LTBP3: variants seen among roughly 807,000 people sequenced by gnomAD.
The protein encoded by LTBP3 is latent transforming growth factor beta binding protein 3.
LTBP3 carries 97 observed loss-of-function variants against 159.7 expected under a neutral mutation model. The observed-to-expected ratio is 0.61, with a 90% CI of 0.52 to 0.72. The LOEUF (loss-of-function observed/expected upper bound fraction) is 0.72. LTBP3 is among the 30% of genes least tolerant of loss of function. The pLI, the probability that LTBP3 is intolerant of heterozygous loss-of-function variation, is 0.00. For missense variants in LTBP3, 1,584 were observed against 1,864.3 expected, an observed-to-expected ratio of 0.85 and a Z score of 2.77; for synonymous variants, 824 against 777.1, an observed-to-expected ratio of 1.06 and a Z score of -1.00.
At position 65,541,157 on chromosome 11, in the gene LTBP3, G is replaced by A. The variant is rs1856119238; in HGVS notation, c.2862C>T (p.Cys954=). ...TGTAGACTGGGCAGGGGTAGATTTC[G>A]CAGTGGTCGCCCCAGCCGGCCCCCA... The part of the protein sequence containing the change: ...CSLGAGWGDH[C]EIYPCPVYSS... Residue 954 remains cysteine, a synonymous_variant, in exon 20 of 28, where the codon TGC becomes TGT. Transcript: ENST00000301873. The A allele has an allele frequency of 1.9e-6, 3 of 1,611,984 alleles. No homozygotes were observed. Among genetic ancestry groups the A allele is most frequent in the African/African-American group, 1.3e-5 (1 of 74,526 alleles).
chr11:65,548,285 T>TTCCATTCCCGGTTCAC (rs1324451926), intron 11 of LTBP3: 1 of 634,218 alleles, frequency 1.6e-6, no homozygotes, highest in East Asian at 2.7e-5. Context: ...GCCCGGATAC[T>TTCCATTCCCGGTTCAC]TCCATTCCCG....
intron 17 of LTBP3, 44 bp from the exon 18 acceptor site, chr11:65,543,268 C>T (rs1343128972): frequency 6.2e-7 from 1 of 1,613,430 alleles, no homozygotes; most frequent in Non-Finnish European, 8.5e-7. Flanking sequence ...GGCTGATCAC[C>T]AACCCCAGCC....
At chr11:65,555,106 C>T (rs890237754) in intron 1 of LTBP3, among the ~76,000 whole-genome samples, 1 of 152,170 alleles carries the variant, frequency 6.6e-6, no homozygotes, top group Non-Finnish European at 1.5e-5. Context: ...TGCCCAGTTA[C>T]AGCCTCTAAT....
At position 65,539,206 on chromosome 11, in the gene LTBP3, G is replaced by C. The variant is rs1414763719; in HGVS notation, c.3786C>G (p.Asn1262Lys). Residue 1262 changes from asparagine (N) to lysine (K), a missense_variant, in exon 28 of 28, where the codon AAC becomes AAG. Around this residue, in one of 6 missense-constraint regions of LTBP3, gnomAD observed 514 missense variants for 530.3 expected, o/e 0.97. Transcript: ENST00000301873. ...CGCTCTTGCACAGCAGCCCGCGCTG[G>C]TTCAGCTCTCGGCACTCGTCGATAT... The part of the protein sequence containing the change: ...CVDIDECREL[N>K]QRGLLCKSER... 9.8e-6 allele frequency: 15 copies of C among 1,526,672 alleles called. No individual in the cohort carries two copies. The highest frequency in any genetic ancestry group is 1.1e-5 in the Non-Finnish European group (12 of 1,133,278). 94.6% of individuals were successfully genotyped at this position (1,526,672 alleles called of 1,614,324 possible).
At chr11:65,551,068 A>G in intron 11 of LTBP3, 58 bp downstream of exon 11, 1 of 1,406,952 alleles carries the variant, frequency 7.1e-7, no homozygotes, top group Non-Finnish European at 9.8e-7. Context: ...GAGGGAGGAG[A>G]GAAAACTAAA....
rs1394777117 is a variant in LTBP3, at chr11:65,541,067, C to T, written c.2893+59G>A. Reference sequence around the variant, plus strand: ...AACTGCCAGGGGGCGCCATTTCCCACATTTGGCTTCCAGATGAAGAAACTG... The same window carrying T: ...AACTGCCAGGGGGCGCCATTTCCCATATTTGGCTTCCAGATGAAGAAACTG... On this transcript the variant is annotated intron_variant, in intron 20 of 27. Transcript: ENST00000301873. 4 of 1,590,648 alleles carry T rather than the reference C, an allele frequency of 2.5e-6. No homozygotes were observed. The Admixed American group carries it at 7.3e-5, about 29-fold the overall frequency.
intron 26 of LTBP3, 26 bp from the exon 27 acceptor site, chr11:65,539,485 T>A (rs771346031): frequency 1.3e-6 from 2 of 1,586,550 alleles, no homozygotes; most frequent in South Asian, 2.3e-5. Flanking sequence ...CAATATGGAC[T>A]TCAACACTGA....
chr11:65,551,118 G>A lies in LTBP3; in HGVS notation c.1720+8C>T, dbSNP rs1565098331. 6.4e-7 allele frequency: 1 copy of A among 1,551,402 alleles called. No homozygotes were observed. Among genetic ancestry groups the A allele is most frequent in the Non-Finnish European group, 8.7e-7 (1 of 1,147,612 alleles). On this transcript the variant is annotated splice_region_variant and intron_variant, in intron 11 of 27. Coordinates refer to ENST00000301873, the MANE Select transcript of LTBP3 (RefSeq NM_001130144.3). ...TAGGCAGGGGTGGCTTTGCTGGGCG[G>A]GCCTTACCTGTGACCTGAGTGGGAG...
Position 65,539,228 on chromosome 11 carries a change from A to AT in LTBP3, c.3763dup (p.Ile1255AsnfsTer95). Reference sequence around the variant, plus strand: ...CTGGTTCAGCTCTCGGCACTCGTCGATATCTGAAGGTGAGGGCGACAGGTG... The same window carrying AT: ...CTGGTTCAGCTCTCGGCACTCGTCGATTATCTGAAGGTGAGGGCGACAGGTG... On this transcript the variant is annotated frameshift_variant, in exon 28 of 28. Coordinates refer to ENST00000301873, the MANE Select transcript of LTBP3 (RefSeq NM_001130144.3). LOFTEE classifies it high-confidence loss of function. The AT allele has an allele frequency of 6.5e-7, 1 of 1,526,812 alleles. No homozygotes were observed. Among genetic ancestry groups the AT allele is most frequent in the Non-Finnish European group, 8.8e-7 (1 of 1,132,980 alleles). The allele number at this position is 1,526,812 out of a possible 1,614,324, so 94.6% of individuals were successfully genotyped here.
Position 65,547,345 on chromosome 11 carries a change from G to C in LTBP3, c.2107+94C>G, listed in dbSNP as rs1856415993. 7.5e-7 allele frequency: 1 copy of C among 1,326,804 alleles called. No individual in the cohort carries two copies. The highest frequency in any genetic ancestry group is 9.9e-7 in the Non-Finnish European group (1 of 1,006,116). The allele number at this position is 1,326,804 out of a possible 1,614,324, so 82.2% of individuals were successfully genotyped here. A position where few individuals can be genotyped will look rare whatever the true frequency, so the allele number is the denominator to read the frequency against. On this transcript the variant is annotated intron_variant, in intron 14 of 27. Transcript: ENST00000301873. This position sits in a 1 kb window ranked among gnomAD's most constrained non-coding sequence, Gnocchi z 4.6. ...GGCGACAGAGTGAGACTCCGTCTCG[G>C]GGGAAAAAAAAAAAAATGCAGGCAC... is the stretch of plus-strand genomic sequence containing the variant.
intron 23 of LTBP3, 30 bp downstream of exon 23, chr11:65,540,215 G>A (rs765523455): frequency 1.6e-4 from 252 of 1,546,592 alleles, no homozygotes; most frequent in Non-Finnish European, 2.1e-4. Flanking sequence ...CGCCCCTCCC[G>A]CGTACCCCAC....
intron 16 of LTBP3, chr11:65,543,806 C>T (rs1856256900): frequency 1.9e-6 from 1 of 526,588 alleles, no homozygotes; most frequent in Non-Finnish European, 3.4e-6. Context: ...CAGCCGCTTT[C>T]ACTGCTGCTC....
In LTBP3 at chr11:65,554,234, TGCTCAGGCCGGGGCCTGAGCC is replaced by T; in HGVS notation, c.457_477del (p.Gly153_Ser159del). 1 of 1,608,332 alleles carries T rather than the reference TGCTCAGGCCGGGGCCTGAGCC, an allele frequency of 6.2e-7. No homozygotes were observed. Among genetic ancestry groups the T allele is most frequent in the Non-Finnish European group, 8.5e-7 (1 of 1,178,642 alleles). On this transcript the variant is annotated inframe_deletion, in exon 2 of 28. Transcript: ENST00000301873. This position sits in a 1 kb window ranked among gnomAD's most constrained non-coding sequence, Gnocchi z 5.3. The stretch of plus-strand genomic sequence containing the variant: ...GCCCCTGTGGACAGGGCCCCTGTCC[TGCTCAGGCCGGGGCCTGAGCC>T]GCCGGTACCCCCACCGGCTCCTCCT...
chr11:65,545,833 AC>A (rs1228293122), intron 16 of LTBP3: 1 of 188,434 alleles, frequency 5.3e-6, no homozygotes. Context: ...AGGGATGGGG[AC>A]CTGTCCCTCC....
At chr11:65,557,537 C>A (rs1239241918) in intron 1 of LTBP3, 92 bp downstream of exon 1, 2 of 1,556,890 alleles carry the variant, frequency 1.3e-6, no homozygotes, top group Non-Finnish European at 1.7e-6. Flanking sequence ...ATACCCTCAG[C>A]CCCCAGTCTC....
Position 65,553,639 on chromosome 11 carries a change from T to C in LTBP3, c.864+62A>G. On this transcript the variant is annotated intron_variant, in intron 3 of 27. Transcript: ENST00000301873. This position sits in a 1 kb window ranked among gnomAD's most constrained non-coding sequence, Gnocchi z 6.5. Reference sequence around the variant, plus strand: ...GCCCCTCAGTTTTCTGCTATCCGAGTGAGTTGGGGCAGAGCAACCCTGAGA... The same window carrying C: ...GCCCCTCAGTTTTCTGCTATCCGAGCGAGTTGGGGCAGAGCAACCCTGAGA... 6.5e-7 allele frequency: 1 copy of C among 1,527,902 alleles called. No homozygotes were observed. The highest frequency in any genetic ancestry group is 8.8e-7 in the Non-Finnish European group (1 of 1,131,506). 94.6% of individuals were successfully genotyped at this position (1,527,902 alleles called of 1,614,324 possible).
At chr11:65,543,265 C>A in intron 17 of LTBP3, 41 bp from the exon 18 acceptor site, 1 of 1,613,618 alleles carries the variant, frequency 6.2e-7, no homozygotes, top group South Asian at 1.1e-5. Context: ...AGGGGCTGAT[C>A]ACCAACCCCA....
chr11:65,548,298 TCACTCCAAGA>T (rs1420419076), intron 11 of LTBP3: 6 of 625,806 alleles, frequency 9.6e-6, no homozygotes, highest in Non-Finnish European at 1.7e-5. Context: ...CATTCCCGGT[TCACTCCAAGA>T]CCCTGACCCC....
At chr11:65,551,768 G>A (rs1344817710) in intron 8 of LTBP3, 2 of 896,900 alleles carry the variant, frequency 2.2e-6, no homozygotes, top group Non-Finnish European at 3.6e-6. Context: ...TGGGTTACAG[G>A]TCAGGCTGTA....
Sources: allele counts gnomAD v4.1 joint callset (sites outside exome capture counted in the v4.1 genomes callset), GRCh38; gene constraint gnomAD v4.1.1; regional missense constraint gnomAD v4.1.1; non-coding constraint Gnocchi (gnomAD v3.1); transcripts MANE v1.5; gene names NCBI Gene and HGNC (gene_info 2026-07-23, HGNC 2026-07-21).